Variants in CHCHD6 observed in about 807,000 individuals in gnomAD.
CHCHD6 encodes the protein coiled-coil-helix-coiled-coil-helix domain containing 6.
In CHCHD6, 28 loss-of-function variants were observed where a neutral mutation model predicts 32.3. The observed-to-expected ratio is 0.87, with a 90% CI of 0.64 to 1.19. The LOEUF is 1.19. CHCHD6 is among the 50% of genes most tolerant of loss of function. The pLI, the probability that CHCHD6 is intolerant of heterozygous loss-of-function variation, is 0.00. For synonymous variants in CHCHD6, 122 were observed against 117.5 expected (o/e 1.04, Z -0.25); for missense variants, 333 against 307.0 (o/e 1.08, Z -0.63).
chr3:126,916,066 C>A (rs554589142), intron 6 of CHCHD6, among the ~76,000 whole-genome samples: 46 of 151,650 alleles, frequency 3.0e-4, no homozygotes, highest in Admixed American at 2.5e-3. Context: ...CATATTGTGG[C>A]AGAGCCATTT....
intron 4 of CHCHD6, among the ~76,000 whole-genome samples, chr3:126,824,443 C>T (rs976955681): frequency 3.4e-5 from 5 of 148,956 alleles, no homozygotes; most frequent in Non-Finnish European, 5.9e-5. Context: ...TGCCTGTAAT[C>T]TCAGCTACTC....
chr3:126,909,725 A>G (rs1190789052), intron 5 of CHCHD6, among the ~76,000 whole-genome samples: 1 of 152,230 alleles, frequency 6.6e-6, no homozygotes, highest in Non-Finnish European at 1.5e-5. Flanking sequence ...GAAACTAAAG[A>G]GTCCGATGGG....
chr3:126,811,880 A>G (rs913522814), intron 4 of CHCHD6, among the ~76,000 whole-genome samples: 1 of 152,196 alleles, frequency 6.6e-6, no homozygotes, highest in Non-Finnish European at 1.5e-5. Context: ...TGTTTGGCCT[A>G]TTATTCTGGC....
chr3:126,718,532 A>G (rs1384972808), intron 1 of CHCHD6, among the ~76,000 whole-genome samples: 2 of 152,332 alleles, frequency 1.3e-5, no homozygotes, highest in East Asian at 1.9e-4. Context: ...GTCTGACTGC[A>G]AAGCACTGAG....
chr3:126,868,634 T>C (rs1158912068), intron 5 of CHCHD6, among the ~76,000 whole-genome samples: 1 of 152,176 alleles, frequency 6.6e-6, no homozygotes, highest in Non-Finnish European at 1.5e-5. Context: ...AAATTTGTAA[T>C]GTTATAATAT....
intron 4 of CHCHD6, among the ~76,000 whole-genome samples, chr3:126,805,508 C>G (rs1458847258): frequency 2.0e-5 from 3 of 151,932 alleles, no homozygotes; most frequent in Non-Finnish European, 4.4e-5. Context: ...TGTGAAGGAC[C>G]TCTTCAAGGA....
intron 5 of CHCHD6, among the ~76,000 whole-genome samples, 193 bp downstream of exon 5, chr3:126,852,923 T>G (rs780741809): frequency 6.6e-6 from 1 of 152,182 alleles, no homozygotes; most frequent in Non-Finnish European, 1.5e-5. Context: ...CAAGTTGCAT[T>G]CATGGAGATA....
chr3:126,767,488 C>T (rs1937424123), intron 4 of CHCHD6: 1 of 581,358 alleles, frequency 1.7e-6, no homozygotes, highest in South Asian at 1.9e-5. Flanking sequence ...ACTTTTCCTC[C>T]CATGCCTGTT....
chr3:126,853,088 A>C (rs1027301015), intron 5 of CHCHD6, among the ~76,000 whole-genome samples: 10 of 152,118 alleles, frequency 6.6e-5, no homozygotes, highest in African/African-American at 2.4e-4. Flanking sequence ...CATTTGGTAA[A>C]AATAATAATA....
At chr3:126,865,534 T>A in intron 5 of CHCHD6, 2 of 982,084 alleles carry the variant, frequency 2.0e-6, no homozygotes, top group Non-Finnish European at 2.4e-6. Context: ...CTCCATAACC[T>A]CCTCCTCCAC....
intron 6 of CHCHD6, among the ~76,000 whole-genome samples, chr3:126,919,540 C>T (rs985130890): frequency 1.3e-5 from 2 of 151,234 alleles, no homozygotes; most frequent in African/African-American, 4.9e-5. Flanking sequence ...GTCTTGAACT[C>T]CTGGCTTATG....
chr3:126,864,534 C>G (rs1438541311), intron 5 of CHCHD6, among the ~76,000 whole-genome samples: 1 of 150,282 alleles, frequency 6.7e-6, no homozygotes, highest in African/African-American at 2.5e-5. Flanking sequence ...ACCACCTCCT[C>G]CTCCTTCTCC....
At chr3:126,791,092 A>G (rs937923173) in intron 4 of CHCHD6, among the ~76,000 whole-genome samples, 1 of 152,242 alleles carries the variant, frequency 6.6e-6, no homozygotes, top group Non-Finnish European at 1.5e-5. Context: ...GGTCCACTCC[A>G]GACCCTGTTT....
chr3:126,816,243 T>C (rs938130546), intron 4 of CHCHD6, among the ~76,000 whole-genome samples: 1 of 152,150 alleles, frequency 6.6e-6, no homozygotes, highest in African/African-American at 2.4e-5. Context: ...CTTGGGAATG[T>C]CAGGGGAATG....
chr3:126,859,268 C>T (rs755035345), intron 5 of CHCHD6, among the ~76,000 whole-genome samples: 30 of 152,016 alleles, frequency 2.0e-4, no homozygotes, highest in Admixed American at 1.8e-3. Context: ...GTCAGTGGGC[C>T]GCATGCAGGG....
chr3:126,945,302 T>G (rs1429775937), intron 6 of CHCHD6, among the ~76,000 whole-genome samples: 1 of 152,024 alleles, frequency 6.6e-6, no homozygotes, highest in Non-Finnish European at 1.5e-5. Flanking sequence ...AGGGCAGGCC[T>G]GTGGGGGGCG....
At chr3:126,872,043 C>T (rs1227853569) in intron 5 of CHCHD6, among the ~76,000 whole-genome samples, 2 of 152,214 alleles carry the variant, frequency 1.3e-5, no homozygotes, top group South Asian at 2.1e-4. Flanking sequence ...TCTCTTATGT[C>T]TTCCCCTTAG....
intron 5 of CHCHD6, among the ~76,000 whole-genome samples, chr3:126,900,088 G>C (rs1328532950): frequency 6.6e-6 from 1 of 152,160 alleles, no homozygotes; most frequent in East Asian, 1.9e-4. Flanking sequence ...AAAAAGTATT[G>C]GGCTTTTTTG....
At chr3:126,713,895 G>A (rs369322814) in intron 1 of CHCHD6, among the ~76,000 whole-genome samples, 39 of 152,006 alleles carry the variant, frequency 2.6e-4, no homozygotes, top group African/African-American at 8.9e-4. Flanking sequence ...GTCTAATATG[G>A]TGAAACCCTG....
Sources: allele counts gnomAD v4.1 joint callset (sites outside exome capture counted in the v4.1 genomes callset), GRCh38; gene constraint gnomAD v4.1.1; transcripts MANE v1.5; gene names NCBI Gene and HGNC (gene_info 2026-07-23, HGNC 2026-07-21).